The following NOP56 variants were observed in gnomAD, a reference collection of about 807,000 sequenced individuals.
NOP56 encodes NOP56 ribonucleoprotein, also known as nucleolar protein 56.
Under a neutral mutation model 58.3 loss-of-function variants are expected in NOP56, and 31 were observed. The ratio of observed to expected loss-of-function variants is 0.53; its 90% CI spans 0.40 to 0.72. NOP56 has a LOEUF of 0.72. Among genes scored for constraint, NOP56 ranks in the 30% least tolerant of loss-of-function variants. The pLI is 0.00. For synonymous variants in NOP56, 313 were observed against 282.8 expected, an observed-to-expected ratio of 1.11 and a Z score of -1.07; for missense variants, 669 against 739.9, an observed-to-expected ratio of 0.90 and a Z score of 1.11.
intron 1 of NOP56, 38 bp from the exon 2 acceptor site, chr20:2,652,804 A>G: frequency 6.3e-7 from 1 of 1,586,972 alleles, no homozygotes; most frequent in Non-Finnish European, 8.6e-7. Flanking sequence ...GCAGACGCTG[A>G]GGTTGCGTTG....
chr20:2,653,554 A>T (rs2086778632), intron 3 of NOP56, 161 bp downstream of exon 3: 1 of 630,298 alleles, frequency 1.6e-6, no homozygotes, highest in African/African-American at 1.8e-5. Flanking sequence ...AATTGTCTTC[A>T]CAGAGCTCAA....
At chr20:2,654,378 C>G in intron 3 of NOP56, 36 bp from the exon 4 acceptor site, 1 of 1,613,292 alleles carries the variant, frequency 6.2e-7, no homozygotes, top group Non-Finnish European at 8.5e-7. Flanking sequence ...GATCGTCCTT[C>G]AGCCTGTTAG....
chr20:2,658,167 G>A lies in NOP56; in HGVS notation c.1658G>A (p.Arg553Lys), dbSNP rs745554497. The change falls in exon 12 of 12, where the codon AGA becomes AAA. Residue 553 changes from arginine to lysine, a missense_variant. Physicochemically the swap from Arg to Lys is conservative, Grantham distance 26. This residue lies in a region of NOP56 where 209 missense variants were observed against 196.2 expected (regional missense o/e 1.07). Transcript: ENST00000329276. Reference sequence around the variant, plus strand: ...AATGACCCTGAGGAGGCAGGCCACAGAAGTGGCTCCAAGAAAAAGAGGAAA... The same window carrying A: ...AATGACCCTGAGGAGGCAGGCCACAAAAGTGGCTCCAAGAAAAAGAGGAAA... ...TVNDPEEAGH[R>K]SGSKKKRKFS... The A allele has an allele frequency of 8.7e-6, 14 of 1,612,838 alleles. No individual in the cohort carries two copies. Among genetic ancestry groups the A allele is most frequent in the African/African-American group, 1.3e-5 (1 of 74,910 alleles).
At chr20:2,655,904 C>CTCTG in intron 7 of NOP56, 30 bp from the exon 8 acceptor site, 1 of 1,614,044 alleles carries the variant, frequency 6.2e-7, no homozygotes, top group Middle Eastern at 1.6e-4. Context: ...CAGTTCATTT[C>CTCTG]TCTGACTGCT....
chr20:2,656,905 G>C lies in NOP56; in HGVS notation c.1281+10G>C. ...GGAAGCAATGGTTCAGGTCAGTTGGGCTTTGCTGGGTGTGGAGTGGCATAG... is the reference window on the plus strand; with the variant it reads ...GGAAGCAATGGTTCAGGTCAGTTGGCCTTTGCTGGGTGTGGAGTGGCATAG... On this transcript the variant is annotated intron_variant, in intron 10 of 11. Transcript: ENST00000329276. The C allele has an allele frequency of 3.1e-6, 5 of 1,614,148 alleles. No individual in the cohort carries two copies. Among genetic ancestry groups the C allele is most frequent in the Non-Finnish European group, 4.2e-6 (5 of 1,180,038 alleles).
Position 2,655,743 on chromosome 20 carries a change from A to C in NOP56, c.906A>C (p.Glu302Asp). ...VAPSLSALIG[E>D]AVGARLIAHA... is the part of the protein sequence containing the mutation. ...CCAGCCTGTCAGCCCTAATTGGGGAAGCGGTGCGTCACAGGGGACTCAAAA... is the reference window on the plus strand; with the variant it reads ...CCAGCCTGTCAGCCCTAATTGGGGACGCGGTGCGTCACAGGGGACTCAAAA... The change falls in exon 7 of 12, where the codon GAA (glutamate) becomes GAC (aspartate). Residue 302 changes from glutamate (E) to aspartate (D), a missense_variant. Physicochemically the swap from Glu to Asp is conservative, Grantham distance 45 (BLOSUM62 2). This residue lies in a region of NOP56 where 339 missense variants were observed against 430.5 expected (regional missense o/e 0.79). Coordinates refer to ENST00000329276, the MANE Select transcript of NOP56 (RefSeq NM_006392.4). The C allele has an allele frequency of 6.2e-7, 1 of 1,614,182 alleles. No homozygotes were observed. Among genetic ancestry groups the C allele is most frequent in the Non-Finnish European group, 8.5e-7 (1 of 1,180,038 alleles).
chr20:2,652,773 CTGCCCT>C, intron 1 of NOP56, 63 bp from the exon 2 acceptor site: 1 of 1,527,306 alleles, frequency 6.5e-7, no homozygotes, highest in Non-Finnish European at 8.9e-7. Flanking sequence ...GCGCCTGCGC[CTGCCCT>C]GGGAACGGGT....
intron 2 of NOP56, 98 bp from the exon 3 acceptor site, chr20:2,653,181 C>A: frequency 9.9e-7 from 1 of 1,009,272 alleles, no homozygotes; most frequent in Non-Finnish European, 1.5e-6. Context: ...CAGGTATCAG[C>A]ATATTTTAAG....
intron 3 of NOP56, 117 bp downstream of exon 3, chr20:2,653,510 C>A: frequency 1.3e-6 from 1 of 776,304 alleles, no homozygotes; most frequent in South Asian, 1.5e-5. Context: ...AGGCGTGAGG[C>A]AGTATTTGAG....
intron 5 of NOP56, 88 bp downstream of exon 5, chr20:2,655,035 G>C: frequency 3.3e-6 from 5 of 1,513,074 alleles, no homozygotes; most frequent in Non-Finnish European, 4.6e-6. Flanking sequence ...ACCATCCTGT[G>C]GGTAGAACCA....
At chr20:2,653,215 G>A (rs945495218) in intron 2 of NOP56, 64 bp from the exon 3 acceptor site, 2 of 1,330,538 alleles carry the variant, frequency 1.5e-6, no homozygotes, top group Non-Finnish European at 1.1e-6. Flanking sequence ...GAGAACCGCT[G>A]CTTGACTGCG....
At position 2,653,335 on chromosome 20, in the gene NOP56, CT is replaced by C; in HGVS notation, c.154del (p.Cys52ValfsTer57). ...TCCACAGCATCGTTCGTCTGGTGGC[CT>C]TTTGTCCCTTTGCCTCATCCCAGGT... ...KFHSIVRLVAFCPFASSQVAL... is the reference protein window; with the variant it reads ...KFHSIVRLVAXCPFASSQVAL... On this transcript the variant is annotated frameshift_variant, in exon 3 of 12. Coordinates refer to ENST00000329276, the MANE Select transcript of NOP56 (RefSeq NM_006392.4). LOFTEE classifies it high-confidence loss of function. 1 of 1,614,174 alleles carries C rather than the reference CT, an allele frequency of 6.2e-7. No individual in the cohort carries two copies. Among genetic ancestry groups the C allele is most frequent in the African/African-American group, 1.3e-5 (1 of 75,060 alleles).
rs1462502946 is a variant in NOP56, at chr20:2,654,436, C to T, written c.231C>T (p.Arg77=). Residue 77 remains arginine (R), a synonymous_variant, in exon 4 of 12, where the codon CGC becomes CGT. Coordinates refer to ENST00000329276, the MANE Select transcript of NOP56 (RefSeq NM_006392.4). ...GAGGGGTTGTTCATGAGGACCTCCG[C>T]CTGCTCTTGGAGACCCACCTGCCGT... is the stretch of plus-strand genomic sequence containing the variant. The part of the protein sequence containing the change: ...VSEGVVHEDL[R]LLLETHLPSK... 1 of 1,614,040 alleles carries T rather than the reference C, an allele frequency of 6.2e-7. No individual in the cohort carries two copies. The highest frequency in any genetic ancestry group is 2.2e-5 in the East Asian group (1 of 44,896).
At position 2,655,413 on chromosome 20, in the gene NOP56, C is replaced by A; in HGVS notation, c.658C>A (p.Arg220=). 1.9e-6 allele frequency: 3 copies of A among 1,614,084 alleles called. No individual in the cohort carries two copies. Among genetic ancestry groups the A allele is most frequent in the Non-Finnish European group, 2.5e-6 (3 of 1,180,034 alleles). The part of the protein sequence containing the change: ...YCRLAQFIGN[R]RELNEDKLEK... ...CCGTCTTGCCCAGTTTATTGGAAAC[C>A]GAAGGGAACTGAATGAGGACAAGCT... Residue 220 remains arginine, a synonymous_variant, in exon 6 of 12, where the codon CGA becomes AGA. Coordinates refer to ENST00000329276, the MANE Select transcript of NOP56 (RefSeq NM_006392.4).
rs1600154733 is a variant in NOP56 at position 2,653,101 on chromosome 20, C to T, written c.93+170C>T. On this transcript the variant is annotated intron_variant, in intron 2 of 11. Transcript: ENST00000329276. The stretch of plus-strand genomic sequence containing the variant: ...ACCTTGACCCATGGGTAGAATCGCT[C>T]TAGCAATTAGAAATAAGCCTCCCGG... 21 of 773,632 alleles carry T rather than the reference C, an allele frequency of 2.7e-5. No individual in the cohort carries two copies. In the East Asian group the frequency reaches 5.4e-4, roughly 20 times the overall value. The allele number at this position is 773,632 out of a possible 1,614,324, so 47.9% of individuals were successfully genotyped here.
intron 11 of NOP56, 81 bp downstream of exon 11, chr20:2,657,299 C>T: frequency 6.3e-7 from 1 of 1,594,654 alleles, no homozygotes; most frequent in Non-Finnish European, 8.6e-7. Context: ...CTGCATCAAG[C>T]TGTGGTCTTG....
chr20:2,654,973 A>G lies in NOP56; in HGVS notation c.569+26A>G, dbSNP rs765547227. ...GTAAAGTGCAGGGGCCACCCATAAT[A>G]CTGGAGCCTTTGGTCTGTAGTTCAG... On this transcript the variant is annotated intron_variant, in intron 5 of 11. Coordinates refer to ENST00000329276, the MANE Select transcript of NOP56 (RefSeq NM_006392.4). The G allele has an allele frequency of 3.7e-6, 6 of 1,612,298 alleles. No homozygotes were observed. The African/African-American group carries it at 5.3e-5, about 14-fold the overall frequency.
rs2086776081 is a variant in NOP56, at chr20:2,653,350, C to T, written c.165C>T (p.Ala55=). Residue 55 remains alanine, a synonymous_variant, in exon 3 of 12, where the codon GCC becomes GCT. Coordinates refer to ENST00000329276, the MANE Select transcript of NOP56 (RefSeq NM_006392.4). ...GTCTGGTGGCCTTTTGTCCCTTTGC[C>T]TCATCCCAGGTTGCCTTGGAAAATG... ...IVRLVAFCPF[A]SSQVALENAN... is the part of the protein sequence containing the mutation. 2.5e-6 allele frequency: 4 copies of T among 1,614,014 alleles called. No individual in the cohort carries two copies. In the South Asian group the frequency reaches 3.3e-5, roughly 13 times the overall value.
Position 2,653,303 on chromosome 20 carries a change from G to T in NOP56, c.118G>T (p.Gly40Cys). 1 of 1,614,136 alleles carries T rather than the reference G, an allele frequency of 6.2e-7. No homozygotes were observed. The highest frequency in any genetic ancestry group is 8.5e-7 in the Non-Finnish European group (1 of 1,180,002). ...PQVEESVLNL[G>C]KFHSIVRLVA... ...GGTGGAGGAGTCTGTGCTCAACCTG[G>T]GCAAATTCCACAGCATCGTTCGTCT... Residue 40 changes from glycine to cysteine, a missense_variant, in exon 3 of 12, where the codon GGC becomes TGC. Coordinates refer to ENST00000329276, the MANE Select transcript of NOP56 (RefSeq NM_006392.4).
Sources: gnomAD v4.1 joint callset for allele counts on GRCh38, gnomAD v4.1.1 for gene constraint, gnomAD v4.1.1 regional missense constraint, MANE v1.5 for transcripts, NCBI Gene and HGNC (gene_info 2026-07-23, HGNC 2026-07-21) for gene names.